SCYL1: variants seen among roughly 807,000 people sequenced by gnomAD.
SCYL1 encodes the protein N-terminal kinase-like protein.
SCYL1 carries 85 observed loss-of-function variants against 94.8 expected under a neutral mutation model. That is an observed-to-expected ratio of 0.90 (90% confidence interval 0.75 to 1.07). The LOEUF is 1.07. SCYL1 is among the 50% of genes least tolerant of loss of function. The pLI is 0.00. For synonymous variants in SCYL1, 459 were observed against 435.5 expected (o/e 1.05, Z -0.67); for missense variants, 968 against 1,083.3 (o/e 0.89, Z 1.49).
intron 6 of SCYL1, 150 bp downstream of exon 6, chr11:65,527,267 T>C: frequency 1.2e-6 from 1 of 806,230 alleles, no homozygotes; most frequent in East Asian, 2.7e-5. Flanking sequence ...CTCCAGCTCA[T>C]ACTTACTCTG....
chr11:65,526,885 GC>G lies in SCYL1; in HGVS notation c.693+16del, dbSNP rs1383505598. ...GCAACCCTGGGAAGGTAAGTTTCTT[GC>G]CCCTGGCTCTTTGCCCTGCCTCAGC... On this transcript the variant is annotated intron_variant, in intron 5 of 17. Transcript: ENST00000270176. This position sits in a 1 kb window ranked among gnomAD's most constrained non-coding sequence, Gnocchi z 4.1. 1.9e-6 allele frequency: 3 copies of G among 1,612,986 alleles called. No individual in the cohort carries two copies. Among genetic ancestry groups the G allele is most frequent in the Non-Finnish European group, 2.5e-6 (3 of 1,179,650 alleles).
rs980910152 is a variant in SCYL1, at chr11:65,527,005, C to G, written c.737C>G (p.Ala246Gly). 1 of 1,613,402 alleles carries G rather than the reference C, an allele frequency of 6.2e-7. No homozygotes were observed. The highest frequency in any genetic ancestry group is 1.7e-5 in the Admixed American group (1 of 60,000). Reference protein sequence around the residue: ...LVPHYCELVGANPKVRPNPAR... With the variant: ...LVPHYCELVGGNPKVRPNPAR... ...CCCCATTACTGTGAGCTGGTGGGAG[C>G]AAACCCCAAGGTGCGTCCCAACCCA... Residue 246 changes from alanine (A) to glycine (G), a missense_variant, in exon 6 of 18, where the codon GCA becomes GGA. Ala to Gly is a moderately conservative substitution (Grantham distance 60, BLOSUM62 0). Transcript: ENST00000270176.
chr11:65,526,054 G>A lies in SCYL1; in HGVS notation c.375+11G>A, dbSNP rs1297261159. On this transcript the variant is annotated intron_variant, in intron 3 of 17. Transcript: ENST00000270176. The surrounding 1 kb of genome is among the most constrained non-coding windows in gnomAD (Gnocchi z 4.1). ...CTACACCAGATCGTGGTGAGGTGGGGGGCAGTGGTGATGAGAGCAGGGATG... is the reference window on the plus strand; with the variant it reads ...CTACACCAGATCGTGGTGAGGTGGGAGGCAGTGGTGATGAGAGCAGGGATG... 3 of 1,612,558 alleles carry A rather than the reference G, an allele frequency of 1.9e-6. No individual in the cohort carries two copies. Among genetic ancestry groups the A allele is most frequent in the Admixed American group, 1.7e-5 (1 of 59,984 alleles).
At chr11:65,529,711 T>A (rs1316664146) in intron 6 of SCYL1, among the ~76,000 whole-genome samples, 2 of 152,206 alleles carry the variant, frequency 1.3e-5, no homozygotes, top group Non-Finnish European at 2.9e-5. Flanking sequence ...GACCCCTGCC[T>A]GGCCACTCTT....
chr11:65,537,977 C>A lies in SCYL1; in HGVS notation c.2042C>A (p.Ser681Tyr). The change falls in exon 16 of 18, where the codon TCC becomes TAC. Residue 681 changes from serine (S) to tyrosine (Y), a missense_variant. Transcript: ENST00000270176. The stretch of plus-strand genomic sequence containing the variant: ...CCCGCTCTTCTACAGGTCAGCAACT[C>A]CGACCACAAATCCTCCAAATCCCCA... ...QVSRASQVSN[S>Y]DHKSSKSPES... 3 of 1,611,164 alleles carry A rather than the reference C, an allele frequency of 1.9e-6. No homozygotes were observed. The highest frequency in any genetic ancestry group is 2.5e-6 in the Non-Finnish European group (3 of 1,178,408).
chr11:65,527,731 CA>C (rs35335117), intron 6 of SCYL1, among the ~76,000 whole-genome samples: 4,982 of 88,636 alleles, frequency 0.056, 51 homozygotes, highest in Non-Finnish European at 0.069. Flanking sequence ...GACTTCGTCT[CA>C]AAAAAAAAAA....
In SCYL1 at chr11:65,526,252, C is replaced by T; in HGVS notation, c.504C>T (p.Gly168=). ...TGGACTACATGTATTCGGCCCAGGG[C>T]AACGGTGGGGGACCTCCCCGCAAGG... ...GGLDYMYSAQ[G]NGGGPPRKGI... The change falls in exon 4 of 18, where the codon GGC becomes GGT. Residue 168 remains glycine, a synonymous_variant. Coordinates refer to ENST00000270176, the MANE Select transcript of SCYL1 (RefSeq NM_020680.4). The surrounding 1 kb of genome is among the most constrained non-coding windows in gnomAD (Gnocchi z 4.1). 1 of 1,613,240 alleles carries T rather than the reference C, an allele frequency of 6.2e-7. No homozygotes were observed. Among genetic ancestry groups the T allele is most frequent in the Non-Finnish European group, 8.5e-7 (1 of 1,179,952 alleles).
In SCYL1 at chr11:65,535,324, C is replaced by T. The variant is rs768489530; in HGVS notation, c.1328C>T (p.Pro443Leu). 1 of 1,614,226 alleles carries T rather than the reference C, an allele frequency of 6.2e-7. No individual in the cohort carries two copies. Among genetic ancestry groups the T allele is most frequent in the South Asian group, 1.1e-5 (1 of 91,092 alleles). Residue 443 changes from proline (P) to leucine (L), a missense_variant, in exon 10 of 18, where the codon CCC becomes CTC. This residue lies in a region of SCYL1 where 494 missense variants were observed against 619.7 expected (regional missense o/e 0.80). Coordinates refer to ENST00000270176, the MANE Select transcript of SCYL1 (RefSeq NM_020680.4). Reference protein sequence around the residue: ...ARLQAKDEQGPIRCNTTVCLG... With the variant: ...ARLQAKDEQGLIRCNTTVCLG... Reference sequence around the variant, plus strand: ...CTACAGGCCAAGGATGAACAGGGCCCCATCCGCTGCAACACCACAGTCTGC... The same window carrying T: ...CTACAGGCCAAGGATGAACAGGGCCTCATCCGCTGCAACACCACAGTCTGC...
In SCYL1 at chr11:65,536,562, CCTCT is replaced by C. The variant is rs751429832; in HGVS notation, c.1652-18_1652-15del. The C allele has an allele frequency of 8.1e-6, 13 of 1,613,354 alleles. No individual in the cohort carries two copies. The highest frequency in any genetic ancestry group is 1.7e-4 in the Middle Eastern group (1 of 5,762). ...TGGGTGCCTGACGTGCCCATACCCA[CCTCT>C]CTCTCATGCCACTGCCCAGAGAAGG... On this transcript the variant is annotated intron_variant, in intron 12 of 17. Transcript: ENST00000270176.
At chr11:65,531,551 T>A in intron 7 of SCYL1, 25 bp from the exon 8 acceptor site, 1 of 1,563,842 alleles carries the variant, frequency 6.4e-7, no homozygotes, top group Non-Finnish European at 8.8e-7. Flanking sequence ...TGTGAGCAGC[T>A]GAACCCATCT....
chr11:65,530,479 T>G, intron 6 of SCYL1, 150 bp from the exon 7 acceptor site: 1 of 749,632 alleles, frequency 1.3e-6, no homozygotes. Flanking sequence ...ACATGGCAGG[T>G]AAGTGGGACA....
intron 8 of SCYL1, among the ~76,000 whole-genome samples, chr11:65,532,291 G>T (rs1275322679): frequency 6.6e-6 from 1 of 152,108 alleles, no homozygotes; most frequent in African/African-American, 2.4e-5. Context: ...CAGGTGCGGT[G>T]GTGGGTGCCT....
At position 65,526,257 on chromosome 11, in the gene SCYL1, G is replaced by T; in HGVS notation, c.509G>T (p.Gly170Val). ...TACATGTATTCGGCCCAGGGCAACG[G>T]TGGGGGACCTCCCCGCAAGGGGATC... is the stretch of plus-strand genomic sequence containing the variant. The part of the protein sequence containing the change: ...LDYMYSAQGN[G>V]GGPPRKGIPE... The change falls in exon 4 of 18, where the codon GGT becomes GTT. Residue 170 changes from glycine (G) to valine (V), a missense_variant. Gly to Val is a moderately radical substitution (Grantham distance 109). Around this residue, in one of 2 missense-constraint regions of SCYL1, gnomAD observed 494 missense variants for 619.7 expected, o/e 0.80. Transcript: ENST00000270176. The surrounding 1 kb of genome is among the most constrained non-coding windows in gnomAD (Gnocchi z 4.1). 6.2e-7 allele frequency: 1 copy of T among 1,613,212 alleles called. No individual in the cohort carries two copies. Among genetic ancestry groups the T allele is most frequent in the African/African-American group, 1.3e-5 (1 of 75,056 alleles).
Position 65,537,948 on chromosome 11 carries a change from C to T in SCYL1, c.2032-19C>T, listed in dbSNP as rs1311046063. On this transcript the variant is annotated intron_variant, in intron 15 of 17. Coordinates refer to ENST00000270176, the MANE Select transcript of SCYL1 (RefSeq NM_020680.4). ...CCTCCTTGGGCCCAGGGCTACTTCC[C>T]CCTCCCGCTCTTCTACAGGTCAGCA... is the stretch of plus-strand genomic sequence containing the variant. The T allele has an allele frequency of 5.0e-6, 8 of 1,599,460 alleles. No homozygotes were observed. Among genetic ancestry groups the T allele is most frequent in the South Asian group, 3.4e-5 (3 of 89,112 alleles).
chr11:65,530,774 C>T lies in SCYL1; in HGVS notation c.995C>T (p.Thr332Met), dbSNP rs201989796. 1.1e-5 allele frequency: 17 copies of T among 1,611,974 alleles called. No homozygotes were observed. The highest frequency in any genetic ancestry group is 2.7e-5 in the African/African-American group (2 of 75,030). The change falls in exon 7 of 18, where the codon ACG becomes ATG. Residue 332 changes from threonine to methionine, a missense_variant. Coordinates refer to ENST00000270176, the MANE Select transcript of SCYL1 (RefSeq NM_020680.4). Reference sequence around the variant, plus strand: ...GGCAATGCTGGGGCCGTTGTCCTCACGCCCCTCTTCAAGGTGAGTGGAACT... The same window carrying T: ...GGCAATGCTGGGGCCGTTGTCCTCATGCCCCTCTTCAAGGTGAGTGGAACT... ...EFGNAGAVVL[T>M]PLFKVGKFLS...
rs1259863230 is a variant in SCYL1, at chr11:65,537,794, C to T, written c.1960-15C>T. 2 of 1,547,698 alleles carry T rather than the reference C, an allele frequency of 1.3e-6. No individual in the cohort carries two copies. Among genetic ancestry groups the T allele is most frequent in the South Asian group, 2.4e-5 (2 of 82,898 alleles). The stretch of plus-strand genomic sequence containing the variant: ...AGCATGGGGTGGGAGTCAGTGGTCC[C>T]TTCCCACACTGCAGCAGGAGGCCGA... On this transcript the variant is annotated splice_polypyrimidine_tract_variant and intron_variant, in intron 14 of 17. Transcript: ENST00000270176.
chr11:65,532,806 G>A lies in SCYL1; in HGVS notation c.1230+1G>A, dbSNP rs864309666. On this transcript the variant is annotated splice_donor_variant, in intron 9 of 17. Transcript: ENST00000270176. LOFTEE classifies it high-confidence loss of function. The stretch of plus-strand genomic sequence containing the variant: ...TGCCATCCGGGAGCAGACGGTCAAG[G>A]TGGGTGTGGCCAGGCCCAGAGTGGC... The A allele has an allele frequency of 5.0e-6, 8 of 1,612,672 alleles. No individual in the cohort carries two copies. Among genetic ancestry groups the A allele is most frequent in the Admixed American group, 1.7e-5 (1 of 59,982 alleles).
chr11:65,533,596 T>C (rs1185471076), intron 9 of SCYL1, among the ~76,000 whole-genome samples: 2 of 150,294 alleles, frequency 1.3e-5, no homozygotes, highest in Non-Finnish European at 3.0e-5. Context: ...CTGGTCATCA[T>C]GGCCAAACCC....
chr11:65,532,938 G>A (rs760751269), intron 9 of SCYL1, 133 bp downstream of exon 9: 21 of 673,582 alleles, frequency 3.1e-5, no homozygotes, highest in Non-Finnish European at 4.5e-5. Context: ...GGTTCAGGCC[G>A]TGGGTGCAGC....
Sources: gnomAD v4.1 joint callset for allele counts (sites outside exome capture counted in the v4.1 genomes callset) on GRCh38, gnomAD v4.1.1 for gene constraint, gnomAD v4.1.1 regional missense constraint, Gnocchi (gnomAD v3.1) non-coding constraint, MANE v1.5 for transcripts, NCBI Gene and HGNC (gene_info 2026-07-23, HGNC 2026-07-21) for gene names.